Variants in NBEAL1 observed in about 807,000 individuals in gnomAD.
NBEAL1 encodes neurobeachin-like protein 1.
A neutral mutation model predicts 351.3 loss-of-function variants in NBEAL1; 273 were observed. That is an observed-to-expected ratio of 0.78 (90% CI 0.70 to 0.86). The LOEUF (loss-of-function observed/expected upper bound fraction) is 0.86. Among genes scored for constraint, NBEAL1 ranks in the 40% least tolerant of loss-of-function variants. The probability of loss-of-function intolerance (pLI) is 0.00; values close to 1 mark genes in which losing one functional copy is unlikely to be tolerated. For synonymous variants in NBEAL1, 1,050 were observed against 1,086.4 expected, an observed-to-expected ratio of 0.97 and a Z score of 0.66; for missense variants, 2,961 against 3,201.3, an observed-to-expected ratio of 0.92 and a Z score of 1.81.
chr2:203,135,615 T>C, intron 27 of NBEAL1, 62 bp from the exon 28 acceptor site: 1 of 981,374 alleles, frequency 1.0e-6, no homozygotes, highest in Non-Finnish European at 1.5e-6. Flanking sequence ...CTGAAAATAT[T>C]ATTTTTGATA....
In NBEAL1 at chr2:203,112,092, G is replaced by T; in HGVS notation, c.2196G>T (p.Met732Ile). 1 of 1,551,670 alleles carries T rather than the reference G, an allele frequency of 6.4e-7. No individual in the cohort carries two copies. Among genetic ancestry groups the T allele is most frequent in the Non-Finnish European group, 8.7e-7 (1 of 1,146,980 alleles). ...KVSAPLRFPAMNEPFTSCCIG... is the reference protein window; with the variant it reads ...KVSAPLRFPAINEPFTSCCIG... ...CTGCCCCTCTCAGATTTCCTGCCAT[G>T]AATGAAGTAAGTATATCCAACCTAC... Residue 732 changes from methionine (M) to isoleucine (I), a missense_variant, in exon 16 of 56, where the codon ATG becomes ATT. Coordinates refer to ENST00000683969, the MANE Select transcript of NBEAL1 (RefSeq NM_001378026.1).
Position 203,201,680 on chromosome 2 carries a change from A to G in NBEAL1, c.7376A>G (p.Lys2459Arg). Residue 2459 changes from lysine (K) to arginine (R), a missense_variant, in exon 50 of 56, where the codon AAA becomes AGA. By Grantham distance (26) the Lys-to-Arg change is conservative. Transcript: ENST00000683969. ...AGCATTCAAGTGATGTCACTTACAA[A>G]AGGCAAAATTATCTCACACATCATC... ...DNSIQVMSLTKGKIISHIIRH... is the reference protein window; with the variant it reads ...DNSIQVMSLTRGKIISHIIRH... 1 of 1,607,832 alleles carries G rather than the reference A, an allele frequency of 6.2e-7. No homozygotes were observed.
chr2:203,213,751 A>G lies in NBEAL1; in HGVS notation c.8070+98A>G, dbSNP rs2065851604. 1.3e-6 allele frequency: 2 copies of G among 1,548,234 alleles called. 1 individual carries two copies. Among genetic ancestry groups the G allele is most frequent in the East Asian group, 4.6e-5 (2 of 43,682 alleles). On this transcript the variant is annotated intron_variant, in intron 55 of 55. Coordinates refer to ENST00000683969, the MANE Select transcript of NBEAL1 (RefSeq NM_001378026.1). The stretch of plus-strand genomic sequence containing the variant: ...ATTGAGAAGTCACCATTAGGGATAA[A>G]CAAATTAAAAGCCAAATTTGATTTT...
In NBEAL1 at chr2:203,140,648, G is replaced by C. The variant is rs192300094; in HGVS notation, c.4848+1900G>C. Among the ~76,000 whole-genome samples the C allele has an allele frequency of 1.5e-3, 232 of 151,938 alleles. 1 individual carries two copies. The highest frequency in any genetic ancestry group is 5.5e-3 in the African/African-American group (226 of 41,466). ...TTTTGAATTATACAGACTTTTAAAT[G>C]CAATTTTTAAATATATGAACTAAGA... On this transcript the variant is annotated intron_variant, in intron 31 of 55. Coordinates refer to ENST00000683969, the MANE Select transcript of NBEAL1 (RefSeq NM_001378026.1).
intron 2 of NBEAL1, among the ~76,000 whole-genome samples, chr2:203,034,278 C>T (rs1574873381): frequency 6.6e-6 from 1 of 151,906 alleles, no homozygotes; most frequent in East Asian, 1.9e-4. Flanking sequence ...CTGCCTCAGC[C>T]TCCTGAGTAG....
chr2:203,173,190 A>G (rs1482077333), intron 41 of NBEAL1, among the ~76,000 whole-genome samples: 1 of 152,168 alleles, frequency 6.6e-6, no homozygotes, highest in African/African-American at 2.4e-5. Context: ...AATCAAACAT[A>G]TTAAAGTATC....
chr2:203,156,706 C>T (rs962295229), intron 35 of NBEAL1, among the ~76,000 whole-genome samples: 3 of 152,098 alleles, frequency 2.0e-5, no homozygotes, highest in Non-Finnish European at 2.9e-5. Context: ...GTCTGAGCAA[C>T]GGTATCATTT....
In NBEAL1 at chr2:203,051,394, A is replaced by G. The variant is rs553274341; in HGVS notation, c.305+1419A>G. 1.4e-4 allele frequency among the ~76,000 whole-genome samples: 21 copies of G among 152,170 alleles called. No individual in the cohort carries two copies. In the South Asian group the frequency reaches 3.1e-3, roughly 23 times the overall value. On this transcript the variant is annotated intron_variant, in intron 4 of 55. Coordinates refer to ENST00000683969, the MANE Select transcript of NBEAL1 (RefSeq NM_001378026.1). ...CCTGTCTCTCCAAAAAAATGTAAAAATTAGCCAGGCATGGTGGCGGGTGCC... is the reference window on the plus strand; with the variant it reads ...CCTGTCTCTCCAAAAAAATGTAAAAGTTAGCCAGGCATGGTGGCGGGTGCC...
At chr2:203,137,101 C>A (rs779013264) in intron 29 of NBEAL1, among the ~76,000 whole-genome samples, 1 of 152,118 alleles carries the variant, frequency 6.6e-6, no homozygotes, top group African/African-American at 2.4e-5. Context: ...TGAGTGTTTC[C>A]GTGCTAAGAG....
At chr2:203,104,032 G>A (rs1457919241) in intron 12 of NBEAL1, among the ~76,000 whole-genome samples, 6 of 152,092 alleles carry the variant, frequency 3.9e-5, no homozygotes, top group South Asian at 2.1e-4. Flanking sequence ...TTGTGTTGTC[G>A]ATTTTAGAAT....
chr2:203,037,672 C>A (rs2061061341), intron 2 of NBEAL1, among the ~76,000 whole-genome samples: 1 of 148,974 alleles, frequency 6.7e-6, no homozygotes, highest in African/African-American at 2.4e-5. Context: ...TCTAGAACTT[C>A]ATATAAGTGA....
chr2:203,045,233 C>A (rs1376148987), intron 3 of NBEAL1, among the ~76,000 whole-genome samples: 3 of 152,112 alleles, frequency 2.0e-5, no homozygotes, highest in Non-Finnish European at 4.4e-5. Flanking sequence ...CAAGGAAATA[C>A]TCTTTTAAAT....
rs1428330646 is a variant in NBEAL1, at chr2:203,107,656, G to A, written c.1417G>A (p.Val473Ile). ...AGTTGGGATTTTGGGCATTAGTAAT[G>A]TCCAACCTCTCTTGCTTCTTATCCA... Reference protein sequence around the residue: ...TSVGILGISNVQPLLLLIQWL... With the variant: ...TSVGILGISNIQPLLLLIQWL... The change falls in exon 14 of 56, where the codon GTC becomes ATC. Residue 473 changes from valine (V) to isoleucine (I), a missense_variant. Coordinates refer to ENST00000683969, the MANE Select transcript of NBEAL1 (RefSeq NM_001378026.1). The A allele has an allele frequency of 6.4e-7, 1 of 1,552,728 alleles. No homozygotes were observed. Among genetic ancestry groups the A allele is most frequent in the Non-Finnish European group, 8.7e-7 (1 of 1,147,222 alleles).
At chr2:203,095,332 T>C (rs2062159237) in intron 10 of NBEAL1, among the ~76,000 whole-genome samples, 2 of 152,070 alleles carry the variant, frequency 1.3e-5, no homozygotes, top group South Asian at 4.1e-4. Flanking sequence ...TTTGCTCTTG[T>C]TGACCAGGCT....
At chr2:203,197,180 A>G (rs2065261322) in intron 47 of NBEAL1, 122 bp from the exon 48 acceptor site, 1 of 544,696 alleles carries the variant, frequency 1.8e-6, no homozygotes, top group East Asian at 2.9e-5. Context: ...AATTGATTAG[A>G]TGTTTCAAGA....
At chr2:203,108,272 G>T in intron 14 of NBEAL1, 84 bp downstream of exon 14, 6 of 1,080,810 alleles carry the variant, frequency 5.6e-6, no homozygotes, top group Non-Finnish European at 7.9e-6. Flanking sequence ...CTGTTTCCAA[G>T]CATCTAGCTT....
intron 3 of NBEAL1, among the ~76,000 whole-genome samples, chr2:203,042,272 A>G (rs1056374260): frequency 1.3e-5 from 2 of 152,232 alleles, no homozygotes; most frequent in South Asian, 4.1e-4. Context: ...GTAACTCACT[A>G]CACTGACTTG....
chr2:203,077,907 G>C, intron 8 of NBEAL1, 70 bp downstream of exon 8: 1 of 776,632 alleles, frequency 1.3e-6, no homozygotes, highest in Non-Finnish European at 1.9e-6. Context: ...CATAGATTTA[G>C]TATGTTCTTT....
At chr2:203,174,549 CTCTATTT>C (rs2064432868) in intron 41 of NBEAL1, among the ~76,000 whole-genome samples, 1 of 151,994 alleles carries the variant, frequency 6.6e-6, no homozygotes, top group African/African-American at 2.4e-5. Context: ...TGTTTTGATT[CTCTATTT>C]TCTAATTTTT....
Sources: gnomAD v4.1 joint callset for allele counts (sites outside exome capture counted in the v4.1 genomes callset) on GRCh38, gnomAD v4.1.1 for gene constraint, MANE v1.5 for transcripts, NCBI Gene and HGNC (gene_info 2026-07-23, HGNC 2026-07-21) for gene names.